PTPRD: variants seen among roughly 807,000 people sequenced by gnomAD.
PTPRD encodes protein tyrosine phosphatase receptor type D.
Under a neutral mutation model 214.5 loss-of-function variants are expected in PTPRD, and 34 were observed. The observed-to-expected ratio is 0.16, with a 90% CI of 0.12 to 0.21. The LOEUF (loss-of-function observed/expected upper bound fraction) is 0.21, where lower values mean the gene tolerates loss of function less well. Among genes scored for constraint, PTPRD ranks in the 10% least tolerant of loss-of-function variants. The pLI is 1.00. For missense variants in PTPRD, 2,545 were observed against 2,398.7 expected, an observed-to-expected ratio of 1.06 and a Z score of -1.27; for synonymous variants, 1,128 against 845.7, an observed-to-expected ratio of 1.33 and a Z score of -5.79.
chr9:10,590,304 T>C (rs1454883671), intron 2 of PTPRD, among the ~76,000 whole-genome samples: 2 of 152,058 alleles, frequency 1.3e-5, no homozygotes, highest in Non-Finnish European at 2.9e-5. Context: ...ATCTTTTTTT[T>C]ACATTTTAAA....
chr9:8,486,269 A>C lies in PTPRD; in HGVS notation c.2548T>G (p.Phe850Val), dbSNP rs1160176300. Residue 850 changes from phenylalanine (F) to valine (V), a missense_variant, in exon 28 of 46, where the codon TTT (phenylalanine) becomes GTT (valine). By Grantham distance (50) the Phe-to-Val change is conservative. Transcript: ENST00000381196. ...AGACGGTAGCCCTGAAGAGGTCCAA[A>C]TGTGTCCACCGGAGGGTGCCACTGA... ...LIQWHPPVDT[F>V]GPLQGYRLKF... is the part of the protein sequence containing the mutation. The C allele has an allele frequency of 6.2e-7, 1 of 1,614,188 alleles. No homozygotes were observed. Among genetic ancestry groups the C allele is most frequent in the South Asian group, 1.1e-5 (1 of 91,078 alleles).
At chr9:10,213,911 T>G (rs1423854327) in intron 3 of PTPRD, among the ~76,000 whole-genome samples, 1 of 152,092 alleles carries the variant, frequency 6.6e-6, no homozygotes, top group Non-Finnish European at 1.5e-5. Context: ...CATTCCTGTC[T>G]TGATGGTTAA....
chr9:10,193,843 C>T (rs537325328), intron 3 of PTPRD, among the ~76,000 whole-genome samples: 8 of 151,804 alleles, frequency 5.3e-5, no homozygotes, highest in South Asian at 2.1e-4. Flanking sequence ...TGGGCACTGA[C>T]GAAGAAAAAA....
chr9:8,499,990 T>C (rs1191250867), intron 24 of PTPRD, 150 bp from the exon 25 acceptor site: 6 of 479,836 alleles, frequency 1.3e-5, no homozygotes, highest in Non-Finnish European at 2.0e-5. Flanking sequence ...TTTCAACCAA[T>C]GAAAATGCTT....
intron 4 of PTPRD, among the ~76,000 whole-genome samples, chr9:9,953,697 T>C (rs1380659037): frequency 1.3e-5 from 2 of 152,324 alleles, no homozygotes; most frequent in Admixed American, 6.5e-5. Context: ...CTCAGTCCCA[T>C]GTTTATTGTA....
At chr9:9,945,390 A>G (rs1342088380) in intron 4 of PTPRD, among the ~76,000 whole-genome samples, 4 of 152,162 alleles carry the variant, frequency 2.6e-5, no homozygotes, top group Non-Finnish European at 5.9e-5. Flanking sequence ...AGAAAAGAAG[A>G]CTAAAGCCTT....
At chr9:9,018,271 A>C (rs1195623139) in intron 11 of PTPRD, among the ~76,000 whole-genome samples, 1 of 152,118 alleles carries the variant, frequency 6.6e-6, no homozygotes, top group East Asian at 1.9e-4. Context: ...GTTTGGGGAA[A>C]TGAATCAACT....
intron 39 of PTPRD, among the ~76,000 whole-genome samples, chr9:8,360,818 T>C (rs760117514): frequency 1.3e-5 from 2 of 152,156 alleles, no homozygotes; most frequent in East Asian, 1.9e-4. Context: ...GACAAATAGT[T>C]CTATAAATTT....
At chr9:10,090,420 A>C (rs1213577134) in intron 3 of PTPRD, among the ~76,000 whole-genome samples, 1 of 151,410 alleles carries the variant, frequency 6.6e-6, no homozygotes. Context: ...ATATTGATTC[A>C]TGGCAATTCT....
At chr9:8,676,649 C>A (rs919510560) in intron 12 of PTPRD, among the ~76,000 whole-genome samples, 1 of 152,182 alleles carries the variant, frequency 6.6e-6, no homozygotes, top group African/African-American at 2.4e-5. Context: ...TCTCGGCTCA[C>A]CGCCACCACT....
intron 11 of PTPRD, among the ~76,000 whole-genome samples, chr9:8,931,626 C>T (rs1463912127): frequency 2.0e-5 from 3 of 152,100 alleles, no homozygotes; most frequent in African/African-American, 4.8e-5. Context: ...TTTGTATCCT[C>T]TTTTATTTCA....
chr9:10,286,235 C>T (rs931784558), intron 3 of PTPRD, among the ~76,000 whole-genome samples: 2 of 151,948 alleles, frequency 1.3e-5, no homozygotes, highest in Non-Finnish European at 2.9e-5. Flanking sequence ...TAAAAAATAT[C>T]TGATGTCCCA....
At chr9:9,980,610 A>AAAAAAAAAAAAAAAAG (rs2095508198) in intron 4 of PTPRD, among the ~76,000 whole-genome samples, 1 of 28,378 alleles carries the variant, frequency 3.5e-5, no homozygotes, top group Non-Finnish European at 9.0e-5. Flanking sequence ...CACCTTGTCA[A>AAAAAAAAAAAAAAAAG]AAAAAAACAA....
At chr9:9,119,553 G>A (rs1296032884) in intron 10 of PTPRD, among the ~76,000 whole-genome samples, 3 of 146,732 alleles carry the variant, frequency 2.0e-5, no homozygotes, top group Non-Finnish European at 3.0e-5. Context: ...TTTTTTTTAA[G>A]AAGTCTCAGT....
intron 5 of PTPRD, among the ~76,000 whole-genome samples, chr9:9,924,440 A>G (rs1047091085): frequency 6.6e-6 from 1 of 152,040 alleles, no homozygotes; most frequent in Non-Finnish European, 1.5e-5. Context: ...TGATTACTAG[A>G]TCATGAGCTC....
intron 2 of PTPRD, among the ~76,000 whole-genome samples, chr9:10,439,973 T>A (rs916836033): frequency 4.6e-5 from 7 of 151,690 alleles, no homozygotes; most frequent in Admixed American, 4.0e-4. Context: ...AACGTTTGCA[T>A]AAACTTAGAA....
intron 12 of PTPRD, among the ~76,000 whole-genome samples, chr9:8,709,618 T>C (rs1395747118): frequency 6.6e-6 from 1 of 152,074 alleles, no homozygotes; most frequent in African/African-American, 2.4e-5. Context: ...AGGTAACACA[T>C]TGGCTACTTA....
chr9:9,740,652 C>A (rs1181535604), intron 6 of PTPRD, among the ~76,000 whole-genome samples: 2 of 152,186 alleles, frequency 1.3e-5, no homozygotes, highest in African/African-American at 4.8e-5. Context: ...GCCTGAGCCA[C>A]CGCACCTGGC....
intron 35 of PTPRD, among the ~76,000 whole-genome samples, chr9:8,433,013 A>G (rs2095156009): frequency 6.6e-6 from 1 of 152,252 alleles, no homozygotes; most frequent in African/African-American, 2.4e-5. Flanking sequence ...GCATTTCTTG[A>G]AAATTCCACA....
Sources: allele counts gnomAD v4.1 joint callset (sites outside exome capture counted in the v4.1 genomes callset), GRCh38; gene constraint gnomAD v4.1.1; transcripts MANE v1.5; gene names NCBI Gene and HGNC (gene_info 2026-07-23, HGNC 2026-07-21).